Variants in ASAP2 observed in about 807,000 individuals in gnomAD.
ASAP2 encodes the protein ArfGAP with SH3 domain, ankyrin repeat and PH domain 2.
Under a neutral mutation model 131.4 loss-of-function variants are expected in ASAP2, and 45 were observed. The ratio of observed to expected loss-of-function variants is 0.34; its 90% CI spans 0.27 to 0.44. The LOEUF is 0.44. Ranked by LOEUF, ASAP2 falls within the 20% of genes least tolerant of loss-of-function variation. ASAP2 has a pLI of 1.00. For synonymous variants in ASAP2, 510 were observed against 503.0 expected, an observed-to-expected ratio of 1.01 and a Z score of -0.19; for missense variants, 1,011 against 1,297.0, an observed-to-expected ratio of 0.78 and a Z score of 3.39.
intron 1 of ASAP2, among the ~76,000 whole-genome samples, chr2:9,267,297 T>C (rs923553478): frequency 6.6e-6 from 1 of 152,146 alleles, no homozygotes; most frequent in African/African-American, 2.4e-5. Flanking sequence ...TCTCTCCACA[T>C]CTCTCCGCTC....
intron 20 of ASAP2, among the ~76,000 whole-genome samples, chr2:9,381,750 C>T (rs185406407): frequency 6.4e-4 from 97 of 152,112 alleles, no homozygotes; most frequent in Non-Finnish European, 1.1e-3. Flanking sequence ...AAAAACGTTT[C>T]GAATTAGCTG....
In ASAP2 at chr2:9,297,391, G is replaced by A. The variant is rs377202646; in HGVS notation, c.291G>A (p.Ala97=). 6.2e-6 allele frequency: 10 copies of A among 1,614,150 alleles called. No individual in the cohort carries two copies. Among genetic ancestry groups the A allele is most frequent in the Admixed American group, 3.3e-5 (2 of 60,022 alleles). ...GAGATGACCCAGATTTAGGAAGTGC[G>A]TTCCTGAAGTTCTCAGTGTTTACAA... The part of the protein sequence containing the change: ...VCRDDPDLGS[A]FLKFSVFTKE... The change falls in exon 3 of 28, where the codon GCG becomes GCA. Residue 97 remains alanine (A), a synonymous_variant. Transcript: ENST00000281419.
At chr2:9,319,062 A>G (rs1669980965) in intron 4 of ASAP2, among the ~76,000 whole-genome samples, 1 of 152,180 alleles carries the variant, frequency 6.6e-6, no homozygotes, top group Non-Finnish European at 1.5e-5. Flanking sequence ...TGTTTAGGAC[A>G]TGCCTAGCCA....
In ASAP2 at chr2:9,323,616, G is replaced by A. The variant is rs1262122847; in HGVS notation, c.600+366G>A. 3.3e-5 allele frequency among the ~76,000 whole-genome samples: 5 copies of A among 152,212 alleles called. No individual in the cohort carries two copies. The East Asian group carries it at 9.6e-4, about 29-fold the overall frequency. ...TGACTGGCTTGTGGGAGGGTGAGAA[G>A]TCAGCTGAAAACAACATACAGCGAT... On this transcript the variant is annotated intron_variant, in intron 6 of 27. Transcript: ENST00000281419.
At chr2:9,222,595 CTT>C (rs1303225553) in intron 1 of ASAP2, among the ~76,000 whole-genome samples, 1 of 152,132 alleles carries the variant, frequency 6.6e-6, no homozygotes, top group African/African-American at 2.4e-5. Context: ...TGTAAATTCT[CTT>C]GTTTTTGTTT....
Position 9,393,498 on chromosome 2 carries a change from G to A in ASAP2, c.2535G>A (p.Thr845=), listed in dbSNP as rs777003156. Residue 845 remains threonine (T), a synonymous_variant, in exon 24 of 28, where the codon ACG becomes ACA. Transcript: ENST00000281419. Reference sequence around the variant, plus strand: ...CCTCCGCAGATCCCCTGACCCCCACGCCGCCCCCACCCGTTGCCAAGACGC... The same window carrying A: ...CCTCCGCAGATCCCCTGACCCCCACACCGCCCCCACCCGTTGCCAAGACGC... ...RVTSTNPLTP[T]PPPPVAKTPS... is the part of the protein sequence containing the mutation. 14 of 1,587,320 alleles carry A rather than the reference G, an allele frequency of 8.8e-6. No individual in the cohort carries two copies. Among genetic ancestry groups the A allele is most frequent in the Admixed American group, 6.8e-5 (4 of 58,704 alleles).
At chr2:9,400,522 C>T (rs990503963) in intron 25 of ASAP2, among the ~76,000 whole-genome samples, 1 of 151,756 alleles carries the variant, frequency 6.6e-6, no homozygotes, top group Non-Finnish European at 1.5e-5. Flanking sequence ...GGGCCCCTCA[C>T]CTGTCCCCTC....
At position 9,344,655 on chromosome 2, in the gene ASAP2, T is replaced by C; in HGVS notation, c.953+20T>C. ...TGACGGGTACGTGAGGGGGTGTGGC[T>C]AGAGTTTAAATGTACGTTCGTTATC... On this transcript the variant is annotated intron_variant, in intron 10 of 27. Transcript: ENST00000281419. 1 of 1,613,230 alleles carries C rather than the reference T, an allele frequency of 6.2e-7. No individual in the cohort carries two copies. The highest frequency in any genetic ancestry group is 1.1e-5 in the South Asian group (1 of 91,058).
At position 9,374,858 on chromosome 2, in the gene ASAP2, G is replaced by A. The variant is rs370967927; in HGVS notation, c.1660G>A (p.Val554Ile). The change falls in exon 17 of 28, where the codon GTC becomes ATC. Residue 554 changes from valine (V) to isoleucine (I), a missense_variant. By Grantham distance (29) the Val-to-Ile change is conservative. Coordinates refer to ENST00000281419, the MANE Select transcript of ASAP2 (RefSeq NM_003887.3). ...AAKLHSLCEA[V>I]KTRDIFGLLQ... ...GAAGCTTCACAGTCTTTGCGAGGCCGTCAAAACGAGAGATATTTTTGGATT... is the reference window on the plus strand; with the variant it reads ...GAAGCTTCACAGTCTTTGCGAGGCCATCAAAACGAGAGATATTTTTGGATT... The A allele has an allele frequency of 6.6e-5, 106 of 1,613,900 alleles. No individual in the cohort carries two copies. Among genetic ancestry groups the A allele is most frequent in the Non-Finnish European group, 8.7e-5 (103 of 1,180,002 alleles).
At chr2:9,347,926 G>A (rs938318482) in intron 11 of ASAP2, among the ~76,000 whole-genome samples, 1 of 152,196 alleles carries the variant, frequency 6.6e-6, no homozygotes, top group Non-Finnish European at 1.5e-5. Flanking sequence ...GGCACGATTA[G>A]AATGGAGAAT....
intron 1 of ASAP2, among the ~76,000 whole-genome samples, chr2:9,258,556 G>A (rs1435391944): frequency 6.6e-6 from 1 of 152,052 alleles, no homozygotes; most frequent in Non-Finnish European, 1.5e-5. Flanking sequence ...AGTCTCCATG[G>A]TGCCCCCGCC....
rs181474697 is a variant in ASAP2, at chr2:9,404,022, G to T, written c.*695G>T. ...ATTCTGTTCCAGGTTATATAAAACT[G>T]CATTTCCTGAATTTGGTTAAAAACT... On this transcript the variant is annotated 3_prime_UTR_variant, in exon 28 of 28. Transcript: ENST00000281419. 7 of 152,322 alleles carry T rather than the reference G, an allele frequency of 4.6e-5. No individual in the cohort carries two copies. The highest frequency in any genetic ancestry group is 3.9e-4 in the Admixed American group (6 of 15,300). The allele number at this position is 152,322 out of a possible 1,614,324, so 9.4% of individuals were successfully genotyped here. A position where few individuals can be genotyped will look rare whatever the true frequency, so the allele number is the denominator to read the frequency against.
intron 2 of ASAP2, among the ~76,000 whole-genome samples, chr2:9,285,106 A>C (rs1164532509): frequency 6.6e-6 from 1 of 152,194 alleles, no homozygotes; most frequent in African/African-American, 2.4e-5. Context: ...TGGGGCCCTC[A>C]TGATGGGGTT....
chr2:9,393,283 T>C (rs1675860348), intron 23 of ASAP2, among the ~76,000 whole-genome samples, 199 bp from the exon 24 acceptor site: 1 of 152,206 alleles, frequency 6.6e-6, no homozygotes, highest in African/African-American at 2.4e-5. Context: ...GCTCCCAGCT[T>C]CCTTATTAGT....
intron 3 of ASAP2, among the ~76,000 whole-genome samples, chr2:9,314,259 C>G (rs942617950): frequency 3.3e-5 from 5 of 152,210 alleles, no homozygotes; most frequent in African/African-American, 1.2e-4. Context: ...GCTGGAATTA[C>G]AGGCATGAGC....
At chr2:9,257,255 A>G (rs7564980) in intron 1 of ASAP2, among the ~76,000 whole-genome samples, 83,391 of 151,978 alleles carry the variant, frequency 0.55, 24,093 homozygotes, top group African/African-American at 0.74. Context: ...AGCTAATGAA[A>G]AGTCTCAATT....
At position 9,232,655 on chromosome 2, in the gene ASAP2, G is replaced by A. The variant is rs1291904156; in HGVS notation, c.126+25425G>A. Among the ~76,000 whole-genome samples, 1 of 152,190 alleles carries A rather than the reference G, an allele frequency of 6.6e-6. No individual in the cohort carries two copies. The highest frequency in any genetic ancestry group is 1.5e-5 in the Non-Finnish European group (1 of 68,040). On this transcript the variant is annotated intron_variant, in intron 1 of 27. Coordinates refer to ENST00000281419, the MANE Select transcript of ASAP2 (RefSeq NM_003887.3). This position sits in a 1 kb window ranked among gnomAD's most constrained non-coding sequence, Gnocchi z 4.1. ...TGATGCATCCTCAGCACCCAGAATT[G>A]CACTGGACACATCATATATGTTTAA...
At chr2:9,380,166 G>C (rs1460940950) in intron 19 of ASAP2, among the ~76,000 whole-genome samples, 2 of 152,066 alleles carry the variant, frequency 1.3e-5, no homozygotes, top group Non-Finnish European at 2.9e-5. Context: ...ATTTTAATTA[G>C]GTGGCTGCTT....
At chr2:9,371,750 A>C (rs2148704671) in intron 16 of ASAP2, among the ~76,000 whole-genome samples, 1 of 152,262 alleles carries the variant, frequency 6.6e-6, no homozygotes, top group African/African-American at 2.4e-5. Context: ...TGAGAAGTGT[A>C]AGGAGAGCCC....
Sources: gnomAD v4.1 joint callset for allele counts (sites outside exome capture counted in the v4.1 genomes callset) on GRCh38, gnomAD v4.1.1 for gene constraint, Gnocchi (gnomAD v3.1) non-coding constraint, MANE v1.5 for transcripts, NCBI Gene and HGNC (gene_info 2026-07-23, HGNC 2026-07-21) for gene names.